CREB5: variants seen among roughly 807,000 people sequenced by gnomAD.
CREB5 encodes cyclic AMP-responsive element-binding protein 5.
CREB5 carries 19 observed loss-of-function variants against 57.1 expected under a neutral mutation model. The observed-to-expected ratio is 0.33, with a 90% CI of 0.23 to 0.49. The LOEUF is 0.49. CREB5 is among the 20% of genes least tolerant of loss of function. The pLI, the probability that CREB5 is intolerant of heterozygous loss-of-function variation, is 0.99. For missense variants in CREB5, 579 were observed against 671.6 expected (o/e 0.86, Z 1.52); for synonymous variants, 238 against 238.3 (o/e 1.00, Z 0.01).
rs908511270 is a variant in CREB5, at chr7:28,534,366, C to T, written c.291+26629C>T. Among the ~76,000 whole-genome samples, 6 of 152,198 alleles carry T rather than the reference C, an allele frequency of 3.9e-5. No individual in the cohort carries two copies. In the South Asian group the frequency reaches 6.2e-4, roughly 16 times the overall value. On this transcript the variant is annotated intron_variant, in intron 4 of 10. Coordinates refer to ENST00000357727, the MANE Select transcript of CREB5 (RefSeq NM_182898.4). ...TCTCAGCCCACCCTGCGTCCTCCCC[C>T]GCGAGCCCTCTCCAGCTCAGCCCCT...
chr7:28,459,812 G>C (rs1790277074), intron 1 of CREB5, among the ~76,000 whole-genome samples: 1 of 152,132 alleles, frequency 6.6e-6, no homozygotes, highest in Non-Finnish European at 1.5e-5. Context: ...TTTACTGAGT[G>C]TTTTGTATGT....
chr7:28,718,272 A>T (rs1802814374), intron 5 of CREB5, among the ~76,000 whole-genome samples: 1 of 152,246 alleles, frequency 6.6e-6, no homozygotes, highest in African/African-American at 2.4e-5. Context: ...TCTGTTGGGA[A>T]TTCATGAATG....
At chr7:28,603,507 C>T (rs1797000800) in intron 5 of CREB5, among the ~76,000 whole-genome samples, 1 of 152,140 alleles carries the variant, frequency 6.6e-6, no homozygotes, top group South Asian at 2.1e-4. Context: ...ACCTTCCTAT[C>T]TCAACCAGAT....
At chr7:28,644,745 C>T (rs1798825643) in intron 5 of CREB5, among the ~76,000 whole-genome samples, 1 of 152,036 alleles carries the variant, frequency 6.6e-6, no homozygotes, top group Admixed American at 6.5e-5. Flanking sequence ...GATTTTTTCT[C>T]TATTAAAATT....
chr7:28,769,562 C>T (rs1450019021), intron 7 of CREB5, among the ~76,000 whole-genome samples: 1 of 151,818 alleles, frequency 6.6e-6, no homozygotes, highest in Non-Finnish European at 1.5e-5. Flanking sequence ...GTCGTAGGGC[C>T]CCAAGGTGTA....
Position 28,811,581 on chromosome 7 carries a change from G to T in CREB5, c.1254+2167G>T, listed in dbSNP as rs1480785539. On this transcript the variant is annotated intron_variant, in intron 9 of 10. Coordinates refer to ENST00000357727, the MANE Select transcript of CREB5 (RefSeq NM_182898.4). ...AGACAAGGTCTTATTATCTTGCCCA[G>T]GCTGGTCTCAAACTCCCAGGCTCAA... is the stretch of plus-strand genomic sequence containing the variant. Among the ~76,000 whole-genome samples, 3 of 152,110 alleles carry T rather than the reference G, an allele frequency of 2.0e-5. No individual in the cohort carries two copies. The East Asian group carries it at 5.8e-4, about 29-fold the overall frequency.
At chr7:28,693,787 C>T (rs1357398249) in intron 5 of CREB5, among the ~76,000 whole-genome samples, 3 of 152,180 alleles carry the variant, frequency 2.0e-5, no homozygotes, top group Non-Finnish European at 2.9e-5. Flanking sequence ...AAGTGCTCAG[C>T]AAATGTTAGT....
intron 1 of CREB5, among the ~76,000 whole-genome samples, chr7:28,302,081 A>C (rs1252970199): frequency 6.6e-6 from 1 of 151,618 alleles, no homozygotes; most frequent in Non-Finnish European, 1.5e-5. Context: ...CCTATGTGTC[A>C]TCAGAAAAGT....
At chr7:28,648,553 T>C (rs1798995767) in intron 5 of CREB5, among the ~76,000 whole-genome samples, 1 of 151,932 alleles carries the variant, frequency 6.6e-6, no homozygotes. Context: ...CTGGGAAACA[T>C]AGTGAGACCT....
chr7:28,330,028 C>T (rs536066733), intron 1 of CREB5, among the ~76,000 whole-genome samples: 1 of 152,352 alleles, frequency 6.6e-6, no homozygotes, highest in African/African-American at 2.4e-5. Context: ...TCCATGGGAC[C>T]TCCCTACTCT....
At chr7:28,381,074 C>T (rs1786957735) in intron 1 of CREB5, among the ~76,000 whole-genome samples, 1 of 152,144 alleles carries the variant, frequency 6.6e-6, no homozygotes, top group African/African-American at 2.4e-5. Context: ...TTCCTCATGG[C>T]ATCTTTCCTC....
intron 1 of CREB5, among the ~76,000 whole-genome samples, chr7:28,321,787 G>T (rs1785499438): frequency 1.3e-5 from 2 of 152,172 alleles, no homozygotes. Context: ...ACATTCAAAG[G>T]TAAAATTATT....
intron 7 of CREB5, among the ~76,000 whole-genome samples, chr7:28,795,370 G>A (rs1583762337): frequency 6.6e-6 from 1 of 152,118 alleles, no homozygotes; most frequent in South Asian, 2.1e-4. Flanking sequence ...AAACACTCTC[G>A]ACTAGCTTTG....
intron 1 of CREB5, chr7:28,435,465 C>T (rs368465336): frequency 8.6e-5 from 14 of 163,712 alleles, no homozygotes; most frequent in Non-Finnish European, 1.4e-4. Context: ...TATGATCAGA[C>T]GTTTCCAGCT....
chr7:28,594,169 G>A (rs899203660), intron 5 of CREB5, among the ~76,000 whole-genome samples: 6 of 152,172 alleles, frequency 3.9e-5, no homozygotes, highest in Non-Finnish European at 7.4e-5. Flanking sequence ...GATGCTACCC[G>A]CTAGACTCTC....
intron 4 of CREB5, among the ~76,000 whole-genome samples, chr7:28,516,444 T>C (rs1225784701): frequency 6.6e-6 from 1 of 152,106 alleles, no homozygotes; most frequent in African/African-American, 2.4e-5. Context: ...ACATTGGGAC[T>C]GAAGTGGGGG....
At chr7:28,627,863 A>G (rs1562535754) in intron 5 of CREB5, among the ~76,000 whole-genome samples, 1 of 152,146 alleles carries the variant, frequency 6.6e-6, no homozygotes, top group South Asian at 2.1e-4. Flanking sequence ...AAAAATCTGT[A>G]TGTGACTTAG....
intron 5 of CREB5, among the ~76,000 whole-genome samples, chr7:28,709,674 C>G (rs1583590427): frequency 6.7e-6 from 1 of 149,342 alleles, no homozygotes; most frequent in African/African-American, 2.5e-5. Context: ...TTACTTGAAG[C>G]CAGGCTTTTA....
chr7:28,530,757 C>G (rs1348323611), intron 4 of CREB5, among the ~76,000 whole-genome samples: 1 of 152,158 alleles, frequency 6.6e-6, no homozygotes, highest in Non-Finnish European at 1.5e-5. Flanking sequence ...AAGTGTGTCT[C>G]AAAATAAACA....
Sources: allele counts gnomAD v4.1 joint callset (sites outside exome capture counted in the v4.1 genomes callset), GRCh38; gene constraint gnomAD v4.1.1; transcripts MANE v1.5; gene names NCBI Gene and HGNC (gene_info 2026-07-23, HGNC 2026-07-21).